JAKMIP2: variants seen among roughly 807,000 people sequenced by gnomAD.
JAKMIP2 encodes the protein janus kinase and microtubule-interacting protein 2.
A neutral mutation model predicts 115.0 loss-of-function variants in JAKMIP2; 25 were observed. That is an observed-to-expected ratio of 0.22 (90% CI 0.16 to 0.30). JAKMIP2 has a LOEUF of 0.30. JAKMIP2 is among the 10% of genes least tolerant of loss of function. The probability of loss-of-function intolerance (pLI) is 1.00; values close to 1 mark genes in which losing one functional copy is unlikely to be tolerated. For synonymous variants in JAKMIP2, 334 were observed against 343.6 expected, an observed-to-expected ratio of 0.97 and a Z score of 0.31; for missense variants, 642 against 957.6, an observed-to-expected ratio of 0.67 and a Z score of 4.35.
chr5:147,683,117 A>G (rs1760382941), intron 1 of JAKMIP2, among the ~76,000 whole-genome samples: 1 of 152,240 alleles, frequency 6.6e-6, no homozygotes, highest in African/African-American at 2.4e-5. Context: ...TTATGTATTC[A>G]AGGTCAGGCA....
In JAKMIP2 at chr5:147,756,849, G is replaced by A. The variant is rs11167997; in HGVS notation, c.-149+25607C>T. On this transcript the variant is annotated intron_variant, in intron 1 of 21. Transcript: ENST00000616793. Reference sequence around the variant, plus strand: ...AACAGCAGAAGTGCAGAGTAGGGAGGTAAAGAACAGAGGACATGAAAAATC... The same window carrying A: ...AACAGCAGAAGTGCAGAGTAGGGAGATAAAGAACAGAGGACATGAAAAATC... 8.1e-3 allele frequency among the ~76,000 whole-genome samples: 1,229 copies of A among 152,258 alleles called. 11 individuals are homozygous for A. The highest frequency in any genetic ancestry group is 0.027 in the African/African-American group (1,134 of 41,554).
chr5:147,663,582 T>G (rs912436852), intron 2 of JAKMIP2, among the ~76,000 whole-genome samples: 9 of 152,208 alleles, frequency 5.9e-5, no homozygotes, highest in African/African-American at 2.2e-4. Context: ...TATAGATACA[T>G]CTATCCTATT....
intron 1 of JAKMIP2, among the ~76,000 whole-genome samples, chr5:147,695,191 A>G (rs1377334699): frequency 1.3e-5 from 2 of 152,172 alleles, no homozygotes; most frequent in Non-Finnish European, 2.9e-5. Flanking sequence ...CAGTTTAGGG[A>G]CAGTTGCCAA....
chr5:147,661,565 C>T, intron 2 of JAKMIP2, 120 bp from the exon 3 acceptor site: 1 of 1,055,148 alleles, frequency 9.5e-7, no homozygotes, highest in Non-Finnish European at 1.4e-6. Flanking sequence ...TTTTCCAATT[C>T]CAGGCCCTCT....
At chr5:147,595,710 T>A (rs1755349303) in intron 21 of JAKMIP2, among the ~76,000 whole-genome samples, 1 of 152,208 alleles carries the variant, frequency 6.6e-6, no homozygotes, top group South Asian at 2.1e-4. Flanking sequence ...TAAAGCAAGT[T>A]GTACTCTCCT....
At chr5:147,674,933 G>C (rs1759846212) in intron 1 of JAKMIP2, among the ~76,000 whole-genome samples, 1 of 152,136 alleles carries the variant, frequency 6.6e-6, no homozygotes. Flanking sequence ...GTCCATGTGA[G>C]GGGTAATACA....
intron 4 of JAKMIP2, among the ~76,000 whole-genome samples, chr5:147,649,317 G>C (rs971746260): frequency 6.6e-6 from 1 of 152,120 alleles, no homozygotes; most frequent in Non-Finnish European, 1.5e-5. Context: ...AATGTCAAAA[G>C]ATAAGTAACT....
At chr5:147,742,493 G>A (rs1754188491) in intron 1 of JAKMIP2, among the ~76,000 whole-genome samples, 1 of 152,030 alleles carries the variant, frequency 6.6e-6, no homozygotes, top group Admixed American at 6.6e-5. Flanking sequence ...ACGAAGTCTA[G>A]CTCCCATGAA....
chr5:147,696,414 C>T (rs924999281), intron 1 of JAKMIP2, among the ~76,000 whole-genome samples: 2 of 152,152 alleles, frequency 1.3e-5, no homozygotes, highest in Non-Finnish European at 2.9e-5. Flanking sequence ...CTCTGTGCCG[C>T]CATGCAAAGA....
intron 3 of JAKMIP2, among the ~76,000 whole-genome samples, chr5:147,653,634 G>A (rs932538080): frequency 1.3e-5 from 2 of 151,192 alleles, no homozygotes; most frequent in African/African-American, 4.9e-5. Flanking sequence ...AGGGTAGATT[G>A]CAAAATTTTC....
chr5:147,719,163 T>A (rs1753146871), intron 1 of JAKMIP2, among the ~76,000 whole-genome samples: 1 of 131,638 alleles, frequency 7.6e-6, no homozygotes, highest in South Asian at 2.6e-4. Context: ...TGGTTTTGAG[T>A]GAGATTCTTA....
chr5:147,677,246 A>T (rs1030951153), intron 1 of JAKMIP2, among the ~76,000 whole-genome samples: 1 of 152,238 alleles, frequency 6.6e-6, no homozygotes, highest in Non-Finnish European at 1.5e-5. Flanking sequence ...ACGACGCAAG[A>T]ACTAACCATT....
intron 1 of JAKMIP2, among the ~76,000 whole-genome samples, chr5:147,770,811 T>C (rs1446691141): frequency 6.6e-6 from 1 of 152,164 alleles, no homozygotes; most frequent in Non-Finnish European, 1.5e-5. Flanking sequence ...TAATTTTCTT[T>C]TTAAAAATAT....
At chr5:147,631,721 T>A (rs1432892618) in intron 13 of JAKMIP2, among the ~76,000 whole-genome samples, 1 of 152,212 alleles carries the variant, frequency 6.6e-6, no homozygotes, top group African/African-American at 2.4e-5. Flanking sequence ...ATAGATGGTG[T>A]CATCCATTCT....
At chr5:147,769,227 C>A (rs1367717027) in intron 1 of JAKMIP2, among the ~76,000 whole-genome samples, 3 of 152,104 alleles carry the variant, frequency 2.0e-5, no homozygotes, top group Non-Finnish European at 4.4e-5. Context: ...CTCTGGAACC[C>A]ACCCTCAAAG....
chr5:147,738,239 A>G (rs1042355988), intron 1 of JAKMIP2, among the ~76,000 whole-genome samples: 5 of 152,164 alleles, frequency 3.3e-5, no homozygotes, highest in Admixed American at 3.3e-4. Flanking sequence ...AGTAAAATGC[A>G]CAAATACTAA....
rs140618535 is a variant in JAKMIP2, at chr5:147,692,732, C to T, written c.-148-20778G>A. Among the ~76,000 whole-genome samples the T allele has an allele frequency of 5.3e-3, 801 of 152,176 alleles. 18 individuals are homozygous for T. The highest frequency in any genetic ancestry group is 0.016 in the African/African-American group (683 of 41,532). On this transcript the variant is annotated intron_variant, in intron 1 of 21. Transcript: ENST00000616793. ...AGAGTGCAGCACTTGTAATTTTGACCTGGGGACATGCGGAAACGGTCCATT... is the reference window on the plus strand; with the variant it reads ...AGAGTGCAGCACTTGTAATTTTGACTTGGGGACATGCGGAAACGGTCCATT...
At chr5:147,697,948 C>T (rs376020140) in intron 1 of JAKMIP2, among the ~76,000 whole-genome samples, 21 of 152,198 alleles carry the variant, frequency 1.4e-4, no homozygotes, top group African/African-American at 4.3e-4. Context: ...GGACCACTGT[C>T]CTCCAGACCC....
intron 1 of JAKMIP2, among the ~76,000 whole-genome samples, chr5:147,770,026 A>T: frequency 6.6e-6 from 1 of 151,952 alleles, no homozygotes; most frequent in East Asian, 1.9e-4. Context: ...TCCTTTTAAT[A>T]TTTTCATTTG....
Sources: allele counts gnomAD v4.1 joint callset (sites outside exome capture counted in the v4.1 genomes callset), GRCh38; gene constraint gnomAD v4.1.1; transcripts MANE v1.5; gene names NCBI Gene and HGNC (gene_info 2026-07-23, HGNC 2026-07-21).